VWF: variants seen among roughly 807,000 people sequenced by gnomAD.
The protein encoded by VWF is von Willebrand factor, also known as Factor VIII related antigen.
A neutral mutation model predicts 308.6 loss-of-function variants in VWF; 176 were observed. The ratio of observed to expected loss-of-function variants is 0.57; its 90% CI spans 0.50 to 0.65. The LOEUF (loss-of-function observed/expected upper bound fraction) is 0.65. VWF is among the 30% of genes least tolerant of loss of function. The probability of loss-of-function intolerance (pLI) is 0.00; values close to 1 mark genes in which losing one functional copy is unlikely to be tolerated. For synonymous variants in VWF, 1,385 were observed against 1,443.4 expected (o/e 0.96, Z 0.92); for missense variants, 3,146 against 3,648.2 (o/e 0.86, Z 3.55).
intron 22 of VWF, 81 bp downstream of exon 22, chr12:6,029,261 T>A (rs183945622): frequency 1.5e-4 from 242 of 1,590,240 alleles, no homozygotes; most frequent in Admixed American, 2.5e-4. Context: ...ATAAAGCAAG[T>A]CCTTAGAGAC....
intron 6 of VWF, among the ~76,000 whole-genome samples, chr12:6,079,740 C>G (rs915570550): frequency 6.6e-6 from 1 of 152,106 alleles, no homozygotes; most frequent in Non-Finnish European, 1.5e-5. Context: ...GCCTCTGGGT[C>G]TCCAGCAGGG....
At chr12:6,045,733 T>G (rs1944440589) in intron 17 of VWF, among the ~76,000 whole-genome samples, 1 of 152,124 alleles carries the variant, frequency 6.6e-6, no homozygotes, top group African/African-American at 2.4e-5. Flanking sequence ...AGGAGCCTTG[T>G]GGAAAGTGAG....
intron 15 of VWF, among the ~76,000 whole-genome samples, chr12:6,055,466 G>C (rs537133245): frequency 6.6e-6 from 1 of 152,282 alleles, no homozygotes; most frequent in East Asian, 1.9e-4. Context: ...CCCAGACCCA[G>C]TTGTCCCAGC....
chr12:6,095,666 T>A lies in VWF; in HGVS notation c.533-82A>T, dbSNP rs1555074200. ...TGGGTGAAAATTCTAGGTCTGCTGG[T>A]GGTTTTGTGTGTTTTGTTTTAATTT... On this transcript the variant is annotated intron_variant, in intron 5 of 51. Transcript: ENST00000261405. 1.8e-5 allele frequency: 28 copies of A among 1,599,024 alleles called. No homozygotes were observed. In the South Asian group the frequency reaches 2.8e-4, roughly 16 times the overall value.
In VWF at chr12:5,967,517, C is replaced by T; in HGVS notation, c.7856G>A (p.Cys2619Tyr). 6.2e-7 allele frequency: 1 copy of T among 1,614,182 alleles called. No individual in the cohort carries two copies. Among genetic ancestry groups the T allele is most frequent in the Non-Finnish European group, 8.5e-7 (1 of 1,180,026 alleles). ...GCAGGGGTTGCAGGTGGTCTTCCTG[C>T]ACTCCAGCTTGAATCCAGAGATGAC... ...VGVISGFKLE[C>Y]RKTTCNPCPL... The change falls in exon 47 of 52, where the codon TGC becomes TAC. Residue 2619 changes from cysteine to tyrosine, a missense_variant. By Grantham distance (194) the Cys-to-Tyr change is radical. Coordinates refer to ENST00000261405, the MANE Select transcript of VWF (RefSeq NM_000552.5).
At chr12:6,006,076 C>A (rs1261762404) in intron 34 of VWF, among the ~76,000 whole-genome samples, 1 of 152,034 alleles carries the variant, frequency 6.6e-6, no homozygotes, top group East Asian at 1.9e-4. Context: ...GAATACACAA[C>A]ATTAAAAAAT....
rs61754014 is a variant in VWF at position 6,057,074 on chromosome 12, T to G, written c.1730-2A>C. 2 of 1,535,360 alleles carry G rather than the reference T, an allele frequency of 1.3e-6. No individual in the cohort carries two copies. Among genetic ancestry groups the G allele is most frequent in the South Asian group, 2.4e-5 (2 of 83,566 alleles). On this transcript the variant is annotated splice_acceptor_variant, in intron 14 of 51. Transcript: ENST00000261405. LOFTEE classifies it high-confidence loss of function. Reference sequence around the variant, plus strand: ...CGCACGCCTCCTCGGAGAACCTGGCTGTGGGGCGAGAGGAGCGAGCCTGGG... The same window carrying G: ...CGCACGCCTCCTCGGAGAACCTGGCGGTGGGGCGAGAGGAGCGAGCCTGGG...
chr12:6,009,095 C>A (rs1269161455), intron 34 of VWF, among the ~76,000 whole-genome samples: 2 of 151,950 alleles, frequency 1.3e-5, no homozygotes, highest in African/African-American at 2.4e-5. Flanking sequence ...GGGACTACAG[C>A]AAACCAAAAA....
chr12:6,001,026 G>A (rs1203604195), intron 34 of VWF, among the ~76,000 whole-genome samples: 1 of 151,932 alleles, frequency 6.6e-6, no homozygotes, highest in Non-Finnish European at 1.5e-5. Flanking sequence ...AGAGGGGAGG[G>A]AACAAGAAAA....
At chr12:6,111,111 T>C in intron 3 of VWF, 143 bp from the exon 4 acceptor site, 1 of 712,278 alleles carries the variant, frequency 1.4e-6, no homozygotes, top group Non-Finnish European at 2.4e-6. Flanking sequence ...AAAATCTCCC[T>C]AAAAATCTCA....
rs1414503929 is a variant in VWF, at chr12:5,949,034, G to GGGGA, written c.8419_8422dup (p.Pro2808LeufsTer24). The GGGGA allele has an allele frequency of 4.3e-6, 7 of 1,613,466 alleles. No individual in the cohort carries two copies. The highest frequency in any genetic ancestry group is 5.9e-6 in the Non-Finnish European group (7 of 1,179,826). On this transcript the variant is annotated frameshift_variant, in exon 52 of 52. Transcript: ENST00000261405. LOFTEE classifies it high-confidence loss of function. ...GCAGCCTCACTTGCTGCACTTCCTG[G>GGGGA]GGGAGCATTTGCACTCCATGGCATT...
chr12:6,071,581 GAA>G (rs900876816), intron 9 of VWF, among the ~76,000 whole-genome samples: 1 of 150,964 alleles, frequency 6.6e-6, no homozygotes, highest in Non-Finnish European at 1.5e-5. Flanking sequence ...AAAGAAGAAA[GAA>G]AAAAAAACTA....
chr12:6,052,182 C>G (rs1299752597), intron 16 of VWF, among the ~76,000 whole-genome samples: 1 of 152,172 alleles, frequency 6.6e-6, no homozygotes, highest in African/African-American at 2.4e-5. Context: ...TCAAATGCTT[C>G]AGCTTGAGAA....
intron 3 of VWF, among the ~76,000 whole-genome samples, chr12:6,120,124 C>A (rs1467024340): frequency 6.6e-6 from 1 of 152,126 alleles, no homozygotes; most frequent in Non-Finnish European, 1.5e-5. Context: ...CATGGAGGAC[C>A]CTGTGTCAGT....
At position 6,053,009 on chromosome 12, in the gene VWF, T is replaced by C. The variant is rs73034900; in HGVS notation, c.1946-226A>G. Among the ~76,000 whole-genome samples the C allele has an allele frequency of 0.26, 40,074 of 152,182 alleles. 5,908 individuals carry two copies. Among genetic ancestry groups the C allele is most frequent in the Non-Finnish European group, 0.34 (22,966 of 67,970 alleles). On this transcript the variant is annotated intron_variant, in intron 15 of 51. Transcript: ENST00000261405. ...ACCCCCAATTATATCTGTATGGTCA[T>C]CAACTTCCTTTCCCACTATGAGCAA...
intron 10 of VWF, among the ~76,000 whole-genome samples, chr12:6,065,662 C>T (rs555719555): frequency 5.9e-5 from 9 of 152,202 alleles, no homozygotes; most frequent in Non-Finnish European, 1.0e-4. Flanking sequence ...CAGCCTCAGA[C>T]TGGTGCCAGC....
Position 6,103,553 on chromosome 12 carries a change from C to CATATGTGTATATACACATATATGTAT in VWF, c.532+6820_532+6821insATACATATATGTGTATATACACATAT, listed in dbSNP as rs1565391355. 9.2e-5 allele frequency among the ~76,000 whole-genome samples: 9 copies of CATATGTGTATATACACATATATGTAT among 98,292 alleles called. 1 individual carries two copies. The African/African-American group carries it at 1.6e-3, about 18-fold the overall frequency. The allele number at this position is 98,292 out of a possible 152,430, so 64.5% of individuals were successfully genotyped here. ...ATATACACATATATGTATACACACA[C>CATATGTGTATATACACATATATGTAT]ACACACACACACACACACACACACA... On this transcript the variant is annotated intron_variant, in intron 5 of 51. Transcript: ENST00000261405.
rs1565847696 is a variant in VWF at position 6,058,458 on chromosome 12, C to CA, written c.1534-415dup. Among the ~76,000 whole-genome samples, 1 of 152,204 alleles carries CA rather than the reference C, an allele frequency of 6.6e-6. No individual in the cohort carries two copies. On this transcript the variant is annotated intron_variant, in intron 13 of 51. Coordinates refer to ENST00000261405, the MANE Select transcript of VWF (RefSeq NM_000552.5). This position sits in a 1 kb window ranked among gnomAD's most constrained non-coding sequence, Gnocchi z 4.9. The stretch of plus-strand genomic sequence containing the variant: ...TCCACACCAGTGGGCCTGACCCCCC[C>CA]ACCCAGAGTTACGTGCAAACTCAAG...
At chr12:6,077,191 T>G (rs1944854340) in intron 6 of VWF, among the ~76,000 whole-genome samples, 1 of 152,202 alleles carries the variant, frequency 6.6e-6, no homozygotes, top group African/African-American at 2.4e-5. Context: ...ATGCTTGTAA[T>G]CCCAGCTACT....
Sources: gnomAD v4.1 joint callset for allele counts (sites outside exome capture counted in the v4.1 genomes callset) on GRCh38, gnomAD v4.1.1 for gene constraint, Gnocchi (gnomAD v3.1) non-coding constraint, MANE v1.5 for transcripts, NCBI Gene and HGNC (gene_info 2026-07-23, HGNC 2026-07-21) for gene names.